CYFIP2: variants seen among roughly 807,000 people sequenced by gnomAD.
CYFIP2 encodes the protein cytoplasmic FMR1 interacting protein 2, also known as cytoplasmic FMR1-interacting protein 2.
Under a neutral mutation model 158.7 loss-of-function variants are expected in CYFIP2, and 29 were observed. That is an observed-to-expected ratio of 0.18 (90% CI 0.14 to 0.25). The LOEUF is 0.25. Among genes scored for constraint, CYFIP2 ranks in the 10% least tolerant of loss-of-function variants. The pLI is 1.00. For synonymous variants in CYFIP2, 585 were observed against 617.6 expected (o/e 0.95, Z 0.78); for missense variants, 852 against 1,639.5 (o/e 0.52, Z 8.29).
At chr5:157,351,254 TAAG>T (rs1398889275) in intron 23 of CYFIP2, among the ~76,000 whole-genome samples, 7 of 152,232 alleles carry the variant, frequency 4.6e-5, no homozygotes, top group Non-Finnish European at 8.8e-5. Context: ...CTGTTATTAT[TAAG>T]AAGAAAAGGT....
intron 23 of CYFIP2, among the ~76,000 whole-genome samples, chr5:157,358,588 A>G (rs1393300629): frequency 6.6e-6 from 1 of 152,184 alleles, no homozygotes; most frequent in Non-Finnish European, 1.5e-5. Flanking sequence ...GACAATGTTG[A>G]ACCAGCTGTT....
At chr5:157,329,532 A>AT (rs113709462) in intron 19 of CYFIP2, among the ~76,000 whole-genome samples, 11 of 152,356 alleles carry the variant, frequency 7.2e-5, no homozygotes, top group African/African-American at 2.6e-4. Flanking sequence ...TCAAAATGCC[A>AT]TGTGGCCACA....
chr5:157,313,881 T>C (rs529033970), intron 11 of CYFIP2, among the ~76,000 whole-genome samples: 2 of 152,172 alleles, frequency 1.3e-5, no homozygotes, highest in African/African-American at 4.8e-5. Context: ...TATATAAATA[T>C]AGACTAGAAA....
At chr5:157,320,584 A>G in intron 14 of CYFIP2, 71 bp from the exon 15 acceptor site, 1 of 1,597,270 alleles carries the variant, frequency 6.3e-7, no homozygotes, top group Non-Finnish European at 8.5e-7. Context: ...CACGGGCCCT[A>G]GAAACACAAG....
intron 5 of CYFIP2, among the ~76,000 whole-genome samples, chr5:157,299,185 C>T (rs1758513723): frequency 6.6e-6 from 1 of 152,222 alleles, no homozygotes; most frequent in African/African-American, 2.4e-5. Context: ...GCCAATGTGA[C>T]TCTTTTAAAA....
At chr5:157,390,476 C>CAA in intron 29 of CYFIP2, 45 bp from the exon 30 acceptor site, 3 of 1,497,682 alleles carry the variant, frequency 2.0e-6, no homozygotes, top group Non-Finnish European at 1.8e-6. Flanking sequence ...CCCTGCCCTC[C>CAA]TCCCCCGACC....
chr5:157,302,762 C>G (rs181281359), intron 6 of CYFIP2, 32 bp from the exon 7 acceptor site: 8 of 1,539,754 alleles, frequency 5.2e-6, no homozygotes, highest in African/African-American at 1.4e-5. Flanking sequence ...CTTGGACAGT[C>G]CTCTCTGCAG....
At chr5:157,337,623 C>T (rs1761954744) in intron 21 of CYFIP2, among the ~76,000 whole-genome samples, 2 of 152,228 alleles carry the variant, frequency 1.3e-5, no homozygotes. Flanking sequence ...GGGATCTCCA[C>T]CTGACCATGC....
At chr5:157,281,694 C>T (rs1341269770) in intron 1 of CYFIP2, among the ~76,000 whole-genome samples, 1 of 152,064 alleles carries the variant, frequency 6.6e-6, no homozygotes, top group East Asian at 1.9e-4. Flanking sequence ...ATTTGGGGGC[C>T]ACTTTTTATA....
chr5:157,387,240 C>CT (rs994825083), intron 28 of CYFIP2, among the ~76,000 whole-genome samples: 7 of 151,784 alleles, frequency 4.6e-5, no homozygotes, highest in South Asian at 2.1e-4. Context: ...TTTCTTAGAA[C>CT]TTTTTTTTTC....
Position 157,394,965 on chromosome 5 carries a change from T to C in CYFIP2, c.*1965T>C, listed in dbSNP as rs1767627091. On this transcript the variant is annotated 3_prime_UTR_variant, in exon 31 of 31. Transcript: ENST00000620254. ...CATCTTTAGTCCTGTCTGAGGATGG[T>C]AGCTGGCTCTCTGTAGCTGATAGAT... is the stretch of plus-strand genomic sequence containing the variant. The C allele has an allele frequency of 6.5e-6, 1 of 152,870 alleles. No homozygotes were observed. Among genetic ancestry groups the C allele is most frequent in the Admixed American group, 6.5e-5 (1 of 15,308 alleles). The allele number at this position is 152,870 out of a possible 1,614,324, so 9.5% of individuals were successfully genotyped here.
At chr5:157,326,367 T>C in intron 18 of CYFIP2, 100 bp downstream of exon 18, 1 of 993,914 alleles carries the variant, frequency 1.0e-6, no homozygotes, top group Non-Finnish European at 1.6e-6. Flanking sequence ...ATCAGTGACT[T>C]GTTCTGGAGA....
intron 5 of CYFIP2, among the ~76,000 whole-genome samples, chr5:157,297,421 G>A (rs1758346280): frequency 6.6e-6 from 1 of 152,182 alleles, no homozygotes; most frequent in Non-Finnish European, 1.5e-5. Context: ...TGACACCTTG[G>A]GATTTTTCAC....
At chr5:157,349,250 G>A (rs939926964) in intron 23 of CYFIP2, among the ~76,000 whole-genome samples, 1 of 152,088 alleles carries the variant, frequency 6.6e-6, no homozygotes, top group Non-Finnish European at 1.5e-5. Flanking sequence ...TATGCCCAAT[G>A]TGTAGTCTTT....
At chr5:157,274,025 C>T (rs952983685) in intron 1 of CYFIP2, among the ~76,000 whole-genome samples, 11 of 151,314 alleles carry the variant, frequency 7.3e-5, no homozygotes, top group African/African-American at 2.7e-4. Context: ...ATTCCAGCTA[C>T]TCGGGAGGCT....
At chr5:157,387,439 C>A (rs1766809771) in intron 28 of CYFIP2, among the ~76,000 whole-genome samples, 1 of 152,124 alleles carries the variant, frequency 6.6e-6, no homozygotes, top group Non-Finnish European at 1.5e-5. Context: ...GACTGTCTGA[C>A]CCTGAGGACT....
chr5:157,381,251 C>A (rs1300739482), intron 26 of CYFIP2, among the ~76,000 whole-genome samples: 1 of 152,010 alleles, frequency 6.6e-6, no homozygotes, highest in African/African-American at 2.4e-5. Context: ...AGTTCTTACT[C>A]CCACGAATTT....
intron 26 of CYFIP2, among the ~76,000 whole-genome samples, chr5:157,379,668 C>CAAAAAAAAAAAAAAAAAAAAAAAA (rs70984468): frequency 6.8e-5 from 5 of 73,636 alleles, no homozygotes; most frequent in African/African-American, 2.1e-4. Flanking sequence ...GACCCTGTCT[C>CAAAAAAAAAAAAAAAAAAAAAAAA]AAAAAAAAAA....
chr5:157,381,387 C>T (rs1235725107), intron 26 of CYFIP2, among the ~76,000 whole-genome samples: 1 of 151,280 alleles, frequency 6.6e-6, no homozygotes, highest in Non-Finnish European at 1.5e-5. Context: ...ATTAGCCAGG[C>T]ATGATGGCGA....
Sources: allele counts gnomAD v4.1 joint callset (sites outside exome capture counted in the v4.1 genomes callset), GRCh38; gene constraint gnomAD v4.1.1; transcripts MANE v1.5; gene names NCBI Gene and HGNC (gene_info 2026-07-23, HGNC 2026-07-21).